SGCZ: variants seen among roughly 807,000 people sequenced by gnomAD.
The protein encoded by SGCZ is zeta-sarcoglycan.
SGCZ carries 40 observed loss-of-function variants against 41.3 expected under a neutral mutation model. The observed-to-expected ratio is 0.97, with a 90% CI of 0.75 to 1.26. SGCZ has a LOEUF of 1.26. Among genes scored for constraint, SGCZ ranks in the 50% most tolerant of loss-of-function variants. The probability of loss-of-function intolerance (pLI) is 0.00; values close to 1 mark genes in which losing one functional copy is unlikely to be tolerated. For missense variants in SGCZ, 552 were observed against 369.8 expected, an observed-to-expected ratio of 1.49 and a Z score of -4.04; for synonymous variants, 206 against 137.5, an observed-to-expected ratio of 1.50 and a Z score of -3.49.
chr8:15,123,936 G>T, intron 1 of SGCZ, among the ~76,000 whole-genome samples: 1 of 152,148 alleles, frequency 6.6e-6, no homozygotes, highest in South Asian at 2.1e-4. Flanking sequence ...TACAAAAGAG[G>T]GAAGGGTGGG....
chr8:14,705,595 G>A (rs1309700154), intron 1 of SGCZ, among the ~76,000 whole-genome samples: 1 of 151,928 alleles, frequency 6.6e-6, no homozygotes, highest in Admixed American at 6.6e-5. Context: ...TTTTCCTAGA[G>A]AATTATTATG....
At chr8:14,901,863 T>C (rs184127115) in intron 1 of SGCZ, among the ~76,000 whole-genome samples, 211 of 152,224 alleles carry the variant, frequency 1.4e-3, no homozygotes, top group African/African-American at 4.8e-3. Context: ...CAGAATATCC[T>C]ACATACATAA....
intron 1 of SGCZ, among the ~76,000 whole-genome samples, chr8:15,032,533 G>T (rs1194034399): frequency 6.6e-6 from 1 of 152,008 alleles, no homozygotes; most frequent in Admixed American, 6.5e-5. Context: ...GAGCCCCCAG[G>T]TCCACCCTGG....
chr8:14,461,054 C>A (rs1800887999), intron 2 of SGCZ, among the ~76,000 whole-genome samples: 2 of 152,048 alleles, frequency 1.3e-5, no homozygotes, highest in South Asian at 4.1e-4. Flanking sequence ...CCACACCACC[C>A]TGAGAAAAGA....
intron 1 of SGCZ, among the ~76,000 whole-genome samples, chr8:15,125,714 AC>A (rs1442769727): frequency 1.3e-5 from 2 of 152,192 alleles, no homozygotes; most frequent in Non-Finnish European, 2.9e-5. Flanking sequence ...ATAATAAATG[AC>A]TGTTCATTAC....
intron 4 of SGCZ, among the ~76,000 whole-genome samples, chr8:14,220,929 G>A (rs963050298): frequency 2.0e-5 from 3 of 152,064 alleles, no homozygotes; most frequent in Admixed American, 6.6e-5. Flanking sequence ...AAGTAACCAT[G>A]TTGTCATTGT....
chr8:14,326,254 T>C (rs1238324276), intron 2 of SGCZ, among the ~76,000 whole-genome samples: 1 of 151,884 alleles, frequency 6.6e-6, no homozygotes, highest in Non-Finnish European at 1.5e-5. Flanking sequence ...AAAATATCTT[T>C]TATGTGTTCA....
intron 1 of SGCZ, among the ~76,000 whole-genome samples, chr8:14,606,625 G>A (rs906817926): frequency 2.0e-5 from 3 of 152,114 alleles, no homozygotes; most frequent in Admixed American, 2.0e-4. Flanking sequence ...TTGAGAAACT[G>A]CAATTAAATA....
intron 1 of SGCZ, among the ~76,000 whole-genome samples, chr8:15,217,857 T>C (rs1801464555): frequency 6.6e-6 from 1 of 152,004 alleles, no homozygotes; most frequent in South Asian, 2.1e-4. Flanking sequence ...GGAGGCTGAG[T>C]TGGACGGATC....
intron 3 of SGCZ, among the ~76,000 whole-genome samples, chr8:14,298,909 T>A (rs1335530902): frequency 2.0e-5 from 3 of 151,942 alleles, no homozygotes; most frequent in African/African-American, 7.2e-5. Context: ...TATTTGGATA[T>A]CTTATAGTAC....
intron 1 of SGCZ, among the ~76,000 whole-genome samples, chr8:15,125,612 A>G (rs1337634405): frequency 6.6e-6 from 1 of 152,130 alleles, no homozygotes; most frequent in Admixed American, 6.5e-5. Context: ...TTTTTCATAT[A>G]CCCCAATATA....
intron 1 of SGCZ, among the ~76,000 whole-genome samples, chr8:15,201,323 C>T (rs1585668068): frequency 6.6e-6 from 1 of 152,084 alleles, no homozygotes; most frequent in African/African-American, 2.4e-5. Context: ...GGCCTAGATC[C>T]ATTTCAAAGA....
At chr8:14,928,290 T>C (rs956041045) in intron 1 of SGCZ, among the ~76,000 whole-genome samples, 1 of 152,194 alleles carries the variant, frequency 6.6e-6, no homozygotes, top group Non-Finnish European at 1.5e-5. Flanking sequence ...CGCCATGGAA[T>C]TTCTCATTCA....
intron 5 of SGCZ, among the ~76,000 whole-genome samples, chr8:14,141,571 A>G (rs1233732678): frequency 6.6e-6 from 1 of 152,244 alleles, no homozygotes; most frequent in Non-Finnish European, 1.5e-5. Context: ...AAAAAGGCTC[A>G]TCATCACTGG....
chr8:14,819,778 G>C (rs774632028), intron 1 of SGCZ, among the ~76,000 whole-genome samples: 2 of 152,084 alleles, frequency 1.3e-5, no homozygotes, highest in African/African-American at 2.4e-5. Context: ...CCAAAGTCAA[G>C]TTGCTATGAA....
intron 1 of SGCZ, among the ~76,000 whole-genome samples, chr8:14,754,492 G>T (rs553719233): frequency 3.9e-5 from 6 of 152,018 alleles, no homozygotes; most frequent in African/African-American, 1.4e-4. Context: ...TCATCTCTCT[G>T]CCCATTACAT....
At chr8:14,729,894 G>A (rs771174790) in intron 1 of SGCZ, among the ~76,000 whole-genome samples, 7 of 152,162 alleles carry the variant, frequency 4.6e-5, no homozygotes, top group Non-Finnish European at 1.0e-4. Flanking sequence ...GGACCAGCCT[G>A]GCCAACATGG....
At chr8:14,494,472 A>C (rs1484339701) in intron 2 of SGCZ, among the ~76,000 whole-genome samples, 1 of 152,180 alleles carries the variant, frequency 6.6e-6, no homozygotes, top group Non-Finnish European at 1.5e-5. Flanking sequence ...GTTTTAAATA[A>C]AGTTAATAAA....
At chr8:14,312,069 T>A (rs1801566430) in intron 3 of SGCZ, among the ~76,000 whole-genome samples, 1 of 152,192 alleles carries the variant, frequency 6.6e-6, no homozygotes, top group Non-Finnish European at 1.5e-5. Flanking sequence ...ACAATGTTTT[T>A]TTGAAGCTGT....
Sources: allele counts gnomAD v4.1 joint callset (sites outside exome capture counted in the v4.1 genomes callset), GRCh38; gene constraint gnomAD v4.1.1; transcripts MANE v1.5; gene names NCBI Gene and HGNC (gene_info 2026-07-23, HGNC 2026-07-21).